The following KIRREL3 variants were observed in gnomAD, a reference collection of about 807,000 sequenced individuals.
KIRREL3 encodes kirre like nephrin family adhesion molecule 3.
A neutral mutation model predicts 89.7 loss-of-function variants in KIRREL3; 36 were observed. The ratio of observed to expected loss-of-function variants is 0.40; its 90% confidence interval spans 0.31 to 0.53. The LOEUF is 0.53. KIRREL3 is among the 20% of genes least tolerant of loss of function. The probability of loss-of-function intolerance (pLI) is 0.49; values close to 1 mark genes in which losing one functional copy is unlikely to be tolerated. For missense variants in KIRREL3, 864 were observed against 1,056.6 expected (o/e 0.82, Z 2.53); for synonymous variants, 445 against 441.4 (o/e 1.01, Z -0.10).
chr11:126,918,662 A>G lies in KIRREL3; in HGVS notation c.55+81793T>C, dbSNP rs921886825. ...AAGAAAGGGATTGCAAATACATAGAAAGGCTATTCCATTCTTCATCTCTGT... is the reference window on the plus strand; with the variant it reads ...AAGAAAGGGATTGCAAATACATAGAGAGGCTATTCCATTCTTCATCTCTGT... On this transcript the variant is annotated intron_variant, in intron 1 of 16. Coordinates refer to ENST00000525144, the MANE Select transcript of KIRREL3 (RefSeq NM_032531.4). This position sits in a 1 kb window ranked among gnomAD's most constrained non-coding sequence, Gnocchi z 6.5. Among the ~76,000 whole-genome samples the G allele has an allele frequency of 6.6e-6, 1 of 152,214 alleles. No homozygotes were observed. The highest frequency in any genetic ancestry group is 6.5e-5 in the Admixed American group (1 of 15,290).
intron 1 of KIRREL3, among the ~76,000 whole-genome samples, chr11:126,738,651 C>T (rs1243844699): frequency 6.6e-6 from 1 of 152,156 alleles, no homozygotes; most frequent in Non-Finnish European, 1.5e-5. Flanking sequence ...ATGAGGTTAC[C>T]ATAGCCACCC....
intron 7 of KIRREL3, among the ~76,000 whole-genome samples, chr11:126,451,700 G>A (rs1243074649): frequency 3.3e-5 from 5 of 152,056 alleles, no homozygotes; most frequent in African/African-American, 4.8e-5. Flanking sequence ...GCACGTGTGA[G>A]TGTGTGCATG....
Position 126,490,363 on chromosome 11 carries a change from C to A in KIRREL3, c.434-16897G>T, listed in dbSNP as rs1172071118. Among the ~76,000 whole-genome samples the A allele has an allele frequency of 6.6e-6, 1 of 152,044 alleles. No homozygotes were observed. Among genetic ancestry groups the A allele is most frequent in the African/African-American group, 2.4e-5 (1 of 41,428 alleles). On this transcript the variant is annotated intron_variant, in intron 4 of 16. Coordinates refer to ENST00000525144, the MANE Select transcript of KIRREL3 (RefSeq NM_032531.4). The surrounding 1 kb of genome is among the most constrained non-coding windows in gnomAD (Gnocchi z 4.2). The stretch of plus-strand genomic sequence containing the variant: ...CAGAGCTTTCTCCCCATGAAGTATT[C>A]TTCAGCCTGGCCCTGTCCGTGAGCC...
intron 2 of KIRREL3, among the ~76,000 whole-genome samples, chr11:126,538,449 C>T (rs1241157530): frequency 5.3e-5 from 8 of 152,092 alleles, no homozygotes; most frequent in Admixed American, 4.6e-4. Context: ...AGAACAATAT[C>T]GGGTAGGGTG....
intron 4 of KIRREL3, among the ~76,000 whole-genome samples, chr11:126,518,154 C>T (rs767663888): frequency 1.2e-4 from 18 of 152,320 alleles, no homozygotes; most frequent in Non-Finnish European, 1.6e-4. Context: ...TGCTCAGCTC[C>T]GAAGTTGCTC....
intron 1 of KIRREL3, among the ~76,000 whole-genome samples, chr11:126,856,066 C>A (rs1944496375): frequency 6.6e-6 from 1 of 152,188 alleles, no homozygotes; most frequent in South Asian, 2.1e-4. Context: ...CCCTAAAATG[C>A]ACCTTTCAAA....
chr11:126,828,912 G>A (rs1275750202), intron 1 of KIRREL3, among the ~76,000 whole-genome samples: 1 of 152,134 alleles, frequency 6.6e-6, no homozygotes, highest in Non-Finnish European at 1.5e-5. Flanking sequence ...GAAGGAGAGG[G>A]GACAGTGAGA....
intron 1 of KIRREL3, among the ~76,000 whole-genome samples, chr11:126,638,711 G>A (rs752940718): frequency 6.6e-6 from 1 of 152,170 alleles, no homozygotes; most frequent in Non-Finnish European, 1.5e-5. Flanking sequence ...TCTTAGATGA[G>A]CTTTAGTGAA....
intron 1 of KIRREL3, among the ~76,000 whole-genome samples, chr11:126,961,595 C>G (rs1949089143): frequency 6.6e-6 from 1 of 152,168 alleles, no homozygotes. Context: ...GAAACCATCT[C>G]CATAACATAA....
At chr11:126,975,646 AC>A (rs1362798100) in intron 1 of KIRREL3, among the ~76,000 whole-genome samples, 1 of 152,092 alleles carries the variant, frequency 6.6e-6, no homozygotes, top group African/African-American at 2.4e-5. Flanking sequence ...AATGACAGTC[AC>A]CTGGGATGGT....
At position 126,763,333 on chromosome 11, in the gene KIRREL3, C is replaced by T. The variant is rs959038986; in HGVS notation, c.56-200421G>A. Among the ~76,000 whole-genome samples the T allele has an allele frequency of 1.3e-5, 2 of 152,210 alleles. No homozygotes were observed. Among genetic ancestry groups the T allele is most frequent in the Admixed American group, 1.3e-4 (2 of 15,280 alleles). On this transcript the variant is annotated intron_variant, in intron 1 of 16. Coordinates refer to ENST00000525144, the MANE Select transcript of KIRREL3 (RefSeq NM_032531.4). This position sits in a 1 kb window ranked among gnomAD's most constrained non-coding sequence, Gnocchi z 4.7. ...CACTTTCGATACATAAAACAAGAGT[C>T]CACATCTGTGCCAAGGGCTGGGCAG...
At chr11:126,859,584 G>A (rs547777183) in intron 1 of KIRREL3, among the ~76,000 whole-genome samples, 1 of 152,310 alleles carries the variant, frequency 6.6e-6, no homozygotes, top group East Asian at 1.9e-4. Context: ...AATCTAATGA[G>A]AGAAGCCACA....
In KIRREL3 at chr11:126,515,657, A is replaced by G. The variant is rs1006015691; in HGVS notation, c.433+5658T>C. 5.3e-5 allele frequency among the ~76,000 whole-genome samples: 8 copies of G among 152,104 alleles called. No homozygotes were observed. Among genetic ancestry groups the G allele is most frequent in the Non-Finnish European group, 1.5e-5 (1 of 68,020 alleles). On this transcript the variant is annotated intron_variant, in intron 4 of 16. Coordinates refer to ENST00000525144, the MANE Select transcript of KIRREL3 (RefSeq NM_032531.4). The surrounding 1 kb of genome is among the most constrained non-coding windows in gnomAD (Gnocchi z 4.2). Reference sequence around the variant, plus strand: ...CCAGAGGCTTGGTGAGCGGAAGGAGATGCCAGCTGCTTGTTAGTGCGGGAG... The same window carrying G: ...CCAGAGGCTTGGTGAGCGGAAGGAGGTGCCAGCTGCTTGTTAGTGCGGGAG...
intron 4 of KIRREL3, among the ~76,000 whole-genome samples, chr11:126,493,629 T>G (rs1157916626): frequency 8.7e-6 from 1 of 114,600 alleles, no homozygotes; most frequent in Admixed American, 1.3e-4. Context: ...CACTCCAGCC[T>G]GGGCGACAGA....
At chr11:126,597,310 C>A (rs1238675857) in intron 1 of KIRREL3, among the ~76,000 whole-genome samples, 1 of 152,246 alleles carries the variant, frequency 6.6e-6, no homozygotes, top group Non-Finnish European at 1.5e-5. Context: ...TAGCCCGCTG[C>A]AAGCTGACAA....
chr11:126,736,672 T>A lies in KIRREL3; in HGVS notation c.56-173760A>T, dbSNP rs904704241. On this transcript the variant is annotated intron_variant, in intron 1 of 16. Transcript: ENST00000525144. This position sits in a 1 kb window ranked among gnomAD's most constrained non-coding sequence, Gnocchi z 5.0. ...TCTGCAATGCACAGGCCAGCCCCCA[T>A]GACAAGGATTATCCTACCCAAAACG... 1.3e-5 allele frequency among the ~76,000 whole-genome samples: 2 copies of A among 152,296 alleles called. No homozygotes were observed. The highest frequency in any genetic ancestry group is 3.9e-4 in the East Asian group (2 of 5,178).
intron 1 of KIRREL3, among the ~76,000 whole-genome samples, chr11:126,945,432 C>A (rs557017333): frequency 6.6e-6 from 1 of 152,182 alleles, no homozygotes; most frequent in Non-Finnish European, 1.5e-5. Context: ...AAAGAGAAAT[C>A]ATTCTCTCCC....
chr11:126,910,851 G>T (rs747688424), intron 1 of KIRREL3, among the ~76,000 whole-genome samples: 10 of 152,216 alleles, frequency 6.6e-5, no homozygotes, highest in Non-Finnish European at 1.2e-4. Context: ...GGACTGCCAG[G>T]TATCCTTGCT....
At position 126,578,866 on chromosome 11, in the gene KIRREL3, C is replaced by A. The variant is rs541499101; in HGVS notation, c.56-15954G>T. On this transcript the variant is annotated intron_variant, in intron 1 of 16. Coordinates refer to ENST00000525144, the MANE Select transcript of KIRREL3 (RefSeq NM_032531.4). The surrounding 1 kb of genome is among the most constrained non-coding windows in gnomAD (Gnocchi z 4.9). ...TGAAAATAAGCCATCACGTATTGAC[C>A]ATCTGTCAGCAAGTATCTACCCTGC... Among the ~76,000 whole-genome samples, 1 of 152,220 alleles carries A rather than the reference C, an allele frequency of 6.6e-6. No homozygotes were observed. Among genetic ancestry groups the A allele is most frequent in the South Asian group, 2.1e-4 (1 of 4,818 alleles).
Sources: allele counts gnomAD v4.1 joint callset (sites outside exome capture counted in the v4.1 genomes callset), GRCh38; gene constraint gnomAD v4.1.1; non-coding constraint Gnocchi (gnomAD v3.1); transcripts MANE v1.5; gene names NCBI Gene and HGNC (gene_info 2026-07-23, HGNC 2026-07-21).